The following CNTN4 variants were observed in gnomAD, a reference collection of about 807,000 sequenced individuals.
CNTN4 encodes the protein contactin 4, also known as contactin-4.
Under a neutral mutation model 122.5 loss-of-function variants are expected in CNTN4, and 77 were observed. The observed-to-expected ratio is 0.63, with a 90% confidence interval of 0.52 to 0.76. The LOEUF (loss-of-function observed/expected upper bound fraction) is 0.76. CNTN4 is among the 30% of genes least tolerant of loss of function. The pLI, the probability that CNTN4 is intolerant of heterozygous loss-of-function variation, is 0.00. For missense variants in CNTN4, 1,256 were observed against 1,259.1 expected, an observed-to-expected ratio of 1.00 and a Z score of 0.04; for synonymous variants, 512 against 447.0, an observed-to-expected ratio of 1.15 and a Z score of -1.83.
At chr3:2,174,941 C>T (rs760135685) in intron 2 of CNTN4, among the ~76,000 whole-genome samples, 12 of 152,072 alleles carry the variant, frequency 7.9e-5, no homozygotes, top group Non-Finnish European at 1.8e-4. Flanking sequence ...CATGAGGGAT[C>T]CTCCCCCATG....
chr3:2,247,619 G>A (rs1170439571), intron 2 of CNTN4, among the ~76,000 whole-genome samples: 3 of 151,986 alleles, frequency 2.0e-5, no homozygotes, highest in Non-Finnish European at 2.9e-5. Flanking sequence ...GCTAAGGACT[G>A]TATTCTTGAT....
intron 14 of CNTN4, among the ~76,000 whole-genome samples, chr3:2,997,868 A>G (rs1695668021): frequency 6.6e-6 from 1 of 152,224 alleles, no homozygotes; most frequent in African/African-American, 2.4e-5. Flanking sequence ...GCAAAAGTGC[A>G]AGACATAATT....
At chr3:2,526,904 C>T (rs5004844) in intron 3 of CNTN4, among the ~76,000 whole-genome samples, 18,548 of 152,122 alleles carry the variant, frequency 0.12, 1,417 homozygotes, top group Non-Finnish European at 0.18. Flanking sequence ...TCCTTGATAA[C>T]TGGTTTGCTT....
intron 2 of CNTN4, among the ~76,000 whole-genome samples, chr3:2,317,706 G>A (rs1352403458): frequency 1.3e-5 from 2 of 152,092 alleles, no homozygotes; most frequent in East Asian, 1.9e-4. Context: ...AAAGAAATTG[G>A]AGCTGTTACA....
rs1323328932 is a variant in CNTN4 at position 2,126,150 on chromosome 3, A to G, written c.-145+25511A>G. Among the ~76,000 whole-genome samples, 6 of 152,188 alleles carry G rather than the reference A, an allele frequency of 3.9e-5. No individual in the cohort carries two copies. In the East Asian group the frequency reaches 1.2e-3, roughly 29 times the overall value. On this transcript the variant is annotated intron_variant, in intron 2 of 24. Coordinates refer to ENST00000418658, the MANE Select transcript of CNTN4 (RefSeq NM_175607.3). Reference sequence around the variant, plus strand: ...TGTCTTTACAGAATGTCCTCCGGGGAACATAGTTTTTCCTTAGGGACCCTT... The same window carrying G: ...TGTCTTTACAGAATGTCCTCCGGGGGACATAGTTTTTCCTTAGGGACCCTT...
At chr3:2,722,440 A>C (rs1469106662) in intron 4 of CNTN4, among the ~76,000 whole-genome samples, 1 of 152,162 alleles carries the variant, frequency 6.6e-6, no homozygotes. Flanking sequence ...ATGCTTTTGC[A>C]ATAAAGGTAG....
At chr3:2,862,409 G>A (rs1432797581) in intron 7 of CNTN4, among the ~76,000 whole-genome samples, 1 of 152,192 alleles carries the variant, frequency 6.6e-6, no homozygotes, top group Non-Finnish European at 1.5e-5. Context: ...AATTAAGTGA[G>A]CTTCAGAGTT....
At chr3:2,335,353 C>A (rs1488902565) in intron 2 of CNTN4, among the ~76,000 whole-genome samples, 1 of 151,946 alleles carries the variant, frequency 6.6e-6, no homozygotes, top group Non-Finnish European at 1.5e-5. Context: ...ATGAACTGGG[C>A]AGTGTTCTCA....
intron 4 of CNTN4, among the ~76,000 whole-genome samples, chr3:2,594,712 A>G (rs1488594048): frequency 6.6e-6 from 1 of 152,144 alleles, no homozygotes; most frequent in Non-Finnish European, 1.5e-5. Flanking sequence ...GAGCCACCGC[A>G]CTGGCCAACA....
intron 3 of CNTN4, among the ~76,000 whole-genome samples, chr3:2,530,205 A>G (rs866306235): frequency 5.3e-5 from 8 of 152,126 alleles, no homozygotes; most frequent in African/African-American, 1.4e-4. Context: ...ATTCAGCCAA[A>G]ATAAATAAAA....
rs543919219 is a variant in CNTN4, at chr3:2,816,767, G to C, written c.359-2719G>C. Among the ~76,000 whole-genome samples, 8 of 141,924 alleles carry C rather than the reference G, an allele frequency of 5.6e-5. No homozygotes were observed. In the East Asian group the frequency reaches 1.6e-3, roughly 29 times the overall value. 93.1% of individuals were successfully genotyped at this position (141,924 alleles called of 152,430 possible). A position where few individuals can be genotyped will look rare whatever the true frequency, so the allele number is the denominator to read the frequency against. On this transcript the variant is annotated intron_variant, in intron 6 of 24. Coordinates refer to ENST00000418658, the MANE Select transcript of CNTN4 (RefSeq NM_175607.3). Reference sequence around the variant, plus strand: ...ACCTGGGAGGTGGAGCTTGCAGTGAGCCGTGATCACACCACTGCACTCCAG... The same window carrying C: ...ACCTGGGAGGTGGAGCTTGCAGTGACCCGTGATCACACCACTGCACTCCAG...
intron 12 of CNTN4, among the ~76,000 whole-genome samples, chr3:2,918,495 G>A (rs924150636): frequency 2.0e-5 from 3 of 152,100 alleles, no homozygotes; most frequent in African/African-American, 4.8e-5. Context: ...GTAGGGAAAG[G>A]CGGTTAGCTG....
intron 7 of CNTN4, among the ~76,000 whole-genome samples, chr3:2,820,760 C>G (rs2092845998): frequency 6.6e-6 from 1 of 151,690 alleles, no homozygotes; most frequent in Non-Finnish European, 1.5e-5. Flanking sequence ...GGATGCAGAC[C>G]AAATATATAT....
intron 4 of CNTN4, among the ~76,000 whole-genome samples, chr3:2,672,631 C>T (rs2084596828): frequency 6.6e-6 from 1 of 152,196 alleles, no homozygotes; most frequent in Admixed American, 6.5e-5. Flanking sequence ...TGACAATCCC[C>T]AGTGAGATGT....
At chr3:2,427,516 T>G (rs1237993637) in intron 3 of CNTN4, among the ~76,000 whole-genome samples, 2 of 152,150 alleles carry the variant, frequency 1.3e-5, no homozygotes, top group South Asian at 2.1e-4. Flanking sequence ...TTGGAATAAG[T>G]GTGATGTGGT....
chr3:2,486,926 T>C (rs932321100), intron 3 of CNTN4, among the ~76,000 whole-genome samples: 6 of 152,204 alleles, frequency 3.9e-5, no homozygotes, highest in Non-Finnish European at 2.9e-5. Context: ...AACATATTTA[T>C]GTTATCTTAT....
At chr3:2,692,793 A>G (rs1413503559) in intron 4 of CNTN4, among the ~76,000 whole-genome samples, 1 of 152,114 alleles carries the variant, frequency 6.6e-6, no homozygotes, top group African/African-American at 2.4e-5. Context: ...TTTTAGCTCA[A>G]ATGAACAAAA....
chr3:3,008,190 T>G (rs1696841368), intron 14 of CNTN4, among the ~76,000 whole-genome samples: 1 of 152,156 alleles, frequency 6.6e-6, no homozygotes, highest in Admixed American at 6.5e-5. Context: ...TTAGACAGTT[T>G]TCAGTCTGCA....
intron 13 of CNTN4, among the ~76,000 whole-genome samples, chr3:2,961,134 G>A (rs1390062345): frequency 7.1e-6 from 1 of 140,130 alleles, no homozygotes; most frequent in Non-Finnish European, 1.5e-5. Context: ...GGAGGCTGAG[G>A]CAGGAGAATG....
Sources: gnomAD v4.1 joint callset for allele counts (sites outside exome capture counted in the v4.1 genomes callset) on GRCh38, gnomAD v4.1.1 for gene constraint, MANE v1.5 for transcripts, NCBI Gene and HGNC (gene_info 2026-07-23, HGNC 2026-07-21) for gene names.